The following RNF111 variants were observed in gnomAD, a reference collection of about 807,000 sequenced individuals.
RNF111 encodes the protein ring finger protein 111, also known as E3 ubiquitin-protein ligase Arkadia.
In RNF111, 17 loss-of-function variants were observed where a neutral mutation model predicts 95.1. The observed-to-expected ratio is 0.18, with a 90% CI of 0.12 to 0.27. The LOEUF (loss-of-function observed/expected upper bound fraction) is 0.27. Among genes scored for constraint, RNF111 ranks in the 10% least tolerant of loss-of-function variants. The pLI is 1.00. For missense variants in RNF111, 1,189 were observed against 1,210.4 expected (o/e 0.98, Z 0.26); for synonymous variants, 440 against 414.8 (o/e 1.06, Z -0.74).
rs548727073 is a variant in RNF111, at chr15:59,083,019, C to T, written c.2298-1110C>T. 2.0e-4 allele frequency among the ~76,000 whole-genome samples: 30 copies of T among 152,084 alleles called. No individual in the cohort carries two copies. The South Asian group carries it at 6.2e-3, about 32-fold the overall frequency. ...TGAATCTTAGCTGGGTATGGTGGCACACACCTTTAGTCCCAGCTACTCAGG... is the reference window on the plus strand; with the variant it reads ...TGAATCTTAGCTGGGTATGGTGGCATACACCTTTAGTCCCAGCTACTCAGG... On this transcript the variant is annotated intron_variant, in intron 8 of 13. Coordinates refer to ENST00000348370, the MANE Select transcript of RNF111 (RefSeq NM_017610.8).
At position 59,066,952 on chromosome 15, in the gene RNF111, C is replaced by A; in HGVS notation, c.1555C>A (p.His519Asn). ...GHHFQHHHHH[H>N]HTPHPAVPVS... ...CCATTTTCAACATCATCACCACCAC[C>A]ACCATACTCCCCACCCAGCTGTCCC... Residue 519 changes from histidine (H) to asparagine (N), a missense_variant, in exon 6 of 14, where the codon CAC (histidine) becomes AAC (asparagine). Transcript: ENST00000348370. 1 of 1,614,132 alleles carries A rather than the reference C, an allele frequency of 6.2e-7. No individual in the cohort carries two copies. The highest frequency in any genetic ancestry group is 1.1e-5 in the South Asian group (1 of 91,076).
At chr15:59,041,981 C>A (rs1213429935) in intron 2 of RNF111, among the ~76,000 whole-genome samples, 1 of 67,370 alleles carries the variant, frequency 1.5e-5, no homozygotes, top group African/African-American at 8.1e-5. Context: ...TTTTTTTTTG[C>A]CTGTTTTGAT....
rs1333692431 is a variant in RNF111 at position 59,096,695 on chromosome 15, G to C, written c.*1795G>C. The C allele has an allele frequency of 6.6e-6, 1 of 152,210 alleles. No individual in the cohort carries two copies. The highest frequency in any genetic ancestry group is 2.4e-5 in the African/African-American group (1 of 41,444). 9.4% of individuals were successfully genotyped at this position (152,210 alleles called of 1,614,324 possible). On this transcript the variant is annotated 3_prime_UTR_variant, in exon 14 of 14. Coordinates refer to ENST00000348370, the MANE Select transcript of RNF111 (RefSeq NM_017610.8). ...ATTAAACCGAGGTTATAGAAGGTCA[G>C]GGGAGAGTGAAGGAGTCAGTGACCT...
intron 1 of RNF111, among the ~76,000 whole-genome samples, chr15:58,989,394 ATTTG>A (rs200951132): frequency 6.9e-4 from 105 of 152,300 alleles, no homozygotes; most frequent in African/African-American, 2.4e-3. Context: ...TCTCCTGCTC[ATTTG>A]TTTGTGACCA....
chr15:59,028,136 G>A (rs764376091), intron 1 of RNF111, among the ~76,000 whole-genome samples: 14 of 152,070 alleles, frequency 9.2e-5, no homozygotes, highest in Non-Finnish European at 1.9e-4. Context: ...CATGCTTTTC[G>A]GCCATCATAG....
intron 2 of RNF111, chr15:59,049,362 ATT>A (rs567223230): frequency 0.25 from 17,977 of 71,248 alleles, 722 homozygotes; most frequent in Middle Eastern, 0.33. Flanking sequence ...GGTGTCTTTG[ATT>A]TTTTTTTTTT....
chr15:59,039,916 C>T (rs1341832141), intron 2 of RNF111, among the ~76,000 whole-genome samples: 3 of 151,906 alleles, frequency 2.0e-5, no homozygotes, highest in East Asian at 1.9e-4. Flanking sequence ...GGGGTTTCAC[C>T]GTGTTGGCCA....
At chr15:59,033,452 T>C (rs377350147) in intron 2 of RNF111, among the ~76,000 whole-genome samples, 35 of 152,214 alleles carry the variant, frequency 2.3e-4, no homozygotes, top group African/African-American at 7.2e-4. Flanking sequence ...GAGAGGAGTG[T>C]AGAATAACCA....
At chr15:59,025,561 A>G (rs1015898637) in intron 1 of RNF111, among the ~76,000 whole-genome samples, 4 of 152,176 alleles carry the variant, frequency 2.6e-5, no homozygotes, top group Admixed American at 6.5e-5. Context: ...AATAAATAAG[A>G]GAATTAAAAA....
intron 1 of RNF111, among the ~76,000 whole-genome samples, chr15:59,014,910 T>G (rs1252484884): frequency 6.6e-6 from 1 of 152,000 alleles, no homozygotes; most frequent in Non-Finnish European, 1.5e-5. Flanking sequence ...GCGCCACCAC[T>G]CTCCCCTAAT....
rs151096883 is a variant in RNF111, at chr15:58,994,809, A to G, written c.-20+6741A>G. On this transcript the variant is annotated intron_variant, in intron 1 of 13. Coordinates refer to ENST00000348370, the MANE Select transcript of RNF111 (RefSeq NM_017610.8). ...AATCATTTAAAAGTAAATTGCTTAC[A>G]TTATGCCCATTACATTGCATTATGC... 2.8e-4 allele frequency among the ~76,000 whole-genome samples: 42 copies of G among 152,274 alleles called. No homozygotes were observed. In the East Asian group the frequency reaches 8.1e-3, roughly 29 times the overall value.
chr15:59,068,241 A>C (rs1361168869), intron 6 of RNF111, among the ~76,000 whole-genome samples: 2 of 151,858 alleles, frequency 1.3e-5, no homozygotes, highest in Non-Finnish European at 2.9e-5. Flanking sequence ...ACAACAACAA[A>C]AAACAAAAGA....
chr15:59,056,419 A>G (rs1392836185), intron 4 of RNF111, among the ~76,000 whole-genome samples: 4 of 152,222 alleles, frequency 2.6e-5, no homozygotes, highest in African/African-American at 9.6e-5. Flanking sequence ...GAATGAATAC[A>G]TATGTGAATT....
At chr15:59,026,152 A>G (rs183733214) in intron 1 of RNF111, among the ~76,000 whole-genome samples, 85 of 152,306 alleles carry the variant, frequency 5.6e-4, no homozygotes, top group African/African-American at 1.6e-3. Flanking sequence ...CATACCAATA[A>G]TAGTGTATCA....
chr15:59,068,682 G>A (rs1220045893), intron 6 of RNF111, among the ~76,000 whole-genome samples: 8 of 151,914 alleles, frequency 5.3e-5, no homozygotes, highest in East Asian at 3.9e-4. Flanking sequence ...CACCGTGCCC[G>A]GCCAAGCTAC....
In RNF111 at chr15:59,076,191, T is replaced by A; in HGVS notation, c.1924T>A (p.Cys642Ser). Reference sequence around the variant, plus strand: ...CCCTCCACAGCCCTCTCTCTCATCATGTCGACATTACATGCCACCCCCTTG... The same window carrying A: ...CCCTCCACAGCCCTCTCTCTCATCAAGTCGACATTACATGCCACCCCCTTG... ...QPPPQPSLSS[C>S]RHYMPPPYAS... The change falls in exon 7 of 14, where the codon TGT (cysteine) becomes AGT (serine). Residue 642 changes from cysteine to serine, a missense_variant. Transcript: ENST00000348370. 6.2e-7 allele frequency: 1 copy of A among 1,613,628 alleles called. No homozygotes were observed. The highest frequency in any genetic ancestry group is 8.5e-7 in the Non-Finnish European group (1 of 1,179,964).
At chr15:59,058,075 C>A (rs770491922) in intron 4 of RNF111, among the ~76,000 whole-genome samples, 1 of 152,112 alleles carries the variant, frequency 6.6e-6, no homozygotes, top group African/African-American at 2.4e-5. Flanking sequence ...ATAGATCAGA[C>A]AACTTATTTA....
intron 1 of RNF111, among the ~76,000 whole-genome samples, chr15:58,997,029 C>A (rs1164976522): frequency 2.0e-5 from 3 of 151,966 alleles, no homozygotes; most frequent in East Asian, 1.9e-4. Flanking sequence ...ACTTATATTT[C>A]TACTAATATG....
chr15:59,031,629 A>C lies in RNF111; in HGVS notation c.807A>C (p.Ser269=), dbSNP rs760760608. The C allele has an allele frequency of 6.2e-7, 1 of 1,614,218 alleles. No homozygotes were observed. ...TCAGCAGTGAATCCTCTTCTAGCTC[A>C]TCAACTGAAGGAGAAGAAGATTTGT... is the stretch of plus-strand genomic sequence containing the variant. ...NDLSSESSSS[S]STEGEEDLFV... is the part of the protein sequence containing the mutation. The change falls in exon 2 of 14, where the codon TCA becomes TCC. Residue 269 remains serine (S), a synonymous_variant. Coordinates refer to ENST00000348370, the MANE Select transcript of RNF111 (RefSeq NM_017610.8).
Sources: gnomAD v4.1 joint callset for allele counts (sites outside exome capture counted in the v4.1 genomes callset) on GRCh38, gnomAD v4.1.1 for gene constraint, MANE v1.5 for transcripts, NCBI Gene and HGNC (gene_info 2026-07-23, HGNC 2026-07-21) for gene names.